Variants in SUSD3 observed in about 807,000 individuals in gnomAD.
SUSD3 encodes sushi domain-containing protein 3.
In SUSD3, 18 loss-of-function variants were observed where a neutral mutation model predicts 20.6. That is an observed-to-expected ratio of 0.87 (90% confidence interval 0.60 to 1.30). The LOEUF is 1.30. SUSD3 is among the 50% of genes most tolerant of loss of function. SUSD3 has a pLI of 0.00. For missense variants in SUSD3, 306 were observed against 346.9 expected (o/e 0.88, Z 0.94); for synonymous variants, 137 against 141.5 (o/e 0.97, Z 0.23).
chr9:93,067,944 G>C (rs1825778787), intron 1 of SUSD3, among the ~76,000 whole-genome samples: 1 of 152,176 alleles, frequency 6.6e-6, no homozygotes, highest in South Asian at 2.1e-4. Context: ...TTGTGGTTTT[G>C]ATTTGTATTT....
At chr9:93,076,379 C>T (rs955983240) in intron 2 of SUSD3, among the ~76,000 whole-genome samples, 2 of 152,094 alleles carry the variant, frequency 1.3e-5, no homozygotes, top group Non-Finnish European at 2.9e-5. Flanking sequence ...TAGGATATTT[C>T]ACGTATCAGG....
chr9:93,069,685 ATTTCTATTTATAATAGC>A (rs1212708869), intron 1 of SUSD3, among the ~76,000 whole-genome samples: 7 of 152,102 alleles, frequency 4.6e-5, no homozygotes, highest in Admixed American at 2.6e-4. Context: ...TGCTGAACTA[ATTTCTATTTATAATAGC>A]TTTTAGTGGA....
Position 93,071,402 on chromosome 9 carries a change from T to TG in SUSD3, c.89-4380dup, listed in dbSNP as rs974668271. Among the ~76,000 whole-genome samples, 39 of 152,316 alleles carry TG rather than the reference T, an allele frequency of 2.6e-4. 1 individual carries two copies. Among genetic ancestry groups the TG allele is most frequent in the African/African-American group, 8.2e-4 (34 of 41,570 alleles). ...CCAAGAATCCAAAAGCTGAAGAACT[T>TG]GGAGTCTGATGTTCAAAGGCAGGAA... On this transcript the variant is annotated intron_variant, in intron 1 of 4. Coordinates refer to ENST00000375472, the MANE Select transcript of SUSD3 (RefSeq NM_145006.4).
intron 1 of SUSD3, among the ~76,000 whole-genome samples, chr9:93,073,136 C>T (rs956337343): frequency 2.6e-5 from 4 of 152,038 alleles, no homozygotes; most frequent in Non-Finnish European, 4.4e-5. Flanking sequence ...CTGCCTGTGC[C>T]GAGGGAGACA....
intron 1 of SUSD3, among the ~76,000 whole-genome samples, chr9:93,059,095 C>G (rs919522313): frequency 6.6e-6 from 1 of 152,166 alleles, no homozygotes; most frequent in Admixed American, 6.5e-5. Flanking sequence ...GCCTTGGTCC[C>G]GGGCGTCTGC....
chr9:93,076,063 G>GT (rs1826148367), intron 2 of SUSD3, 91 bp downstream of exon 2: 2 of 1,174,326 alleles, frequency 1.7e-6, no homozygotes, highest in African/African-American at 3.1e-5. Context: ...GATGGCGTGG[G>GT]TGTCTACTCA....
intron 2 of SUSD3, among the ~76,000 whole-genome samples, chr9:93,076,640 T>A (rs1031519485): frequency 1.3e-5 from 2 of 152,252 alleles, no homozygotes; most frequent in African/African-American, 4.8e-5. Flanking sequence ...GCTGCAGAAC[T>A]TCTCAGAGCC....
chr9:93,071,885 T>C (rs1825925061), intron 1 of SUSD3, among the ~76,000 whole-genome samples: 1 of 152,072 alleles, frequency 6.6e-6, no homozygotes, highest in Non-Finnish European at 1.5e-5. Flanking sequence ...CTGCCCAGGA[T>C]GAGGTGAGAT....
At chr9:93,079,390 G>C in intron 3 of SUSD3, 81 bp from the exon 4 acceptor site, 1 of 1,510,956 alleles carries the variant, frequency 6.6e-7, no homozygotes, top group Non-Finnish European at 9.1e-7. Context: ...ACGGTGCCCT[G>C]GGCCTACATG....
intron 3 of SUSD3, 52 bp from the exon 4 acceptor site, chr9:93,079,419 G>T (rs371286203): frequency 6.3e-5 from 101 of 1,596,060 alleles, no homozygotes; most frequent in Non-Finnish European, 3.0e-5. Context: ...TTCCACCACC[G>T]TCAGGGATAC....
At chr9:93,075,717 G>A (rs1174304089) in intron 1 of SUSD3, 67 bp from the exon 2 acceptor site, 95 of 660,260 alleles carry the variant, frequency 1.4e-4, no homozygotes, top group Admixed American at 1.7e-4. Context: ...CCAGGGTCCT[G>A]CCCAGCCCTG....
In SUSD3 at chr9:93,084,570, T is replaced by C; in HGVS notation, c.591T>C (p.Ser197=). ...GTGAGAGCACCAGCAAGCTGGCCAG[T>C]GTGACCCGCAGCGTGGACAAGGACC... ...DHGESTSKLA[S]VTRSVDKDPG... The change falls in exon 5 of 5, where the codon AGT becomes AGC. Residue 197 remains serine, a synonymous_variant. Transcript: ENST00000375472. The C allele has an allele frequency of 6.2e-7, 1 of 1,600,354 alleles. No individual in the cohort carries two copies. Among genetic ancestry groups the C allele is most frequent in the Non-Finnish European group, 8.5e-7 (1 of 1,173,432 alleles).
At chr9:93,078,629 C>T (rs1564194216) in intron 3 of SUSD3, among the ~76,000 whole-genome samples, 1 of 152,162 alleles carries the variant, frequency 6.6e-6, no homozygotes, top group African/African-American at 2.4e-5. Context: ...TGCAGGGCTG[C>T]CACACACGCC....
intron 1 of SUSD3, among the ~76,000 whole-genome samples, chr9:93,069,443 C>T (rs942361869): frequency 2.0e-5 from 3 of 152,226 alleles, no homozygotes; most frequent in African/African-American, 4.8e-5. Context: ...AATATTAAGT[C>T]TTCTGATCCA....
intron 1 of SUSD3, 75 bp downstream of exon 1, chr9:93,058,905 G>T: frequency 1.1e-6 from 1 of 927,534 alleles, no homozygotes; most frequent in Non-Finnish European, 1.4e-6. Context: ...AGGGGAGGGG[G>T]TCGCGGGGCC....
intron 1 of SUSD3, among the ~76,000 whole-genome samples, chr9:93,071,382 A>C: frequency 6.6e-6 from 1 of 152,228 alleles, no homozygotes; most frequent in East Asian, 1.9e-4. Context: ...TAAGTCCAAG[A>C]ATCCAAAAGC....
intron 1 of SUSD3, among the ~76,000 whole-genome samples, chr9:93,063,369 C>T (rs1014584194): frequency 2.6e-5 from 4 of 152,270 alleles, no homozygotes; most frequent in East Asian, 1.9e-4. Flanking sequence ...AGACCCCAGG[C>T]GGGCAAGTCA....
chr9:93,071,577 G>A (rs1305157574), intron 1 of SUSD3, among the ~76,000 whole-genome samples: 5 of 152,128 alleles, frequency 3.3e-5, no homozygotes, highest in Admixed American at 6.6e-5. Context: ...CCAGTCCACC[G>A]ACGCAAATGT....
At chr9:93,073,285 C>T (rs1454739501) in intron 1 of SUSD3, among the ~76,000 whole-genome samples, 8 of 141,226 alleles carry the variant, frequency 5.7e-5, no homozygotes, top group East Asian at 2.1e-4. Flanking sequence ...CTCGCTCTGT[C>T]GCCCAGGCTG....
Sources: allele counts gnomAD v4.1 joint callset (sites outside exome capture counted in the v4.1 genomes callset), GRCh38; gene constraint gnomAD v4.1.1; transcripts MANE v1.5; gene names NCBI Gene and HGNC (gene_info 2026-07-23, HGNC 2026-07-21).